SPAG17: variants seen among roughly 807,000 people sequenced by gnomAD.
The protein encoded by SPAG17 is sperm associated antigen 17.
SPAG17 carries 169 observed loss-of-function variants against 273.6 expected under a neutral mutation model. The ratio of observed to expected loss-of-function variants is 0.62; its 90% CI spans 0.55 to 0.70. The LOEUF (loss-of-function observed/expected upper bound fraction) is 0.70, where lower values mean the gene tolerates loss of function less well. Among genes scored for constraint, SPAG17 ranks in the 30% least tolerant of loss-of-function variants. The pLI is 0.00. For synonymous variants in SPAG17, 825 were observed against 873.2 expected (o/e 0.94, Z 0.97); for missense variants, 2,557 against 2,627.8 (o/e 0.97, Z 0.59).
chr1:118,083,385 C>T (rs572903214), intron 13 of SPAG17, among the ~76,000 whole-genome samples: 239 of 152,276 alleles, frequency 1.6e-3, no homozygotes, highest in Non-Finnish European at 2.4e-3. Flanking sequence ...AATTGAAAGC[C>T]TGTAGACCAG....
intron 37 of SPAG17, 101 bp from the exon 38 acceptor site, chr1:117,991,007 A>G: frequency 1.6e-6 from 1 of 613,592 alleles, no homozygotes; most frequent in Non-Finnish European, 2.7e-6. Context: ...AAACTACTAT[A>G]AAATGAATTA....
chr1:118,129,753 TTC>T (rs904004839), intron 3 of SPAG17, among the ~76,000 whole-genome samples: 3 of 151,918 alleles, frequency 2.0e-5, no homozygotes, highest in South Asian at 2.1e-4. Context: ...CTTTGTTTTT[TTC>T]TTTTTCTTTC....
intron 43 of SPAG17, among the ~76,000 whole-genome samples, chr1:117,979,714 T>C (rs1342492550): frequency 6.6e-6 from 1 of 152,208 alleles, no homozygotes; most frequent in Non-Finnish European, 1.5e-5. Context: ...CTTTTACTTT[T>C]TCCTTTGCTC....
intron 3 of SPAG17, among the ~76,000 whole-genome samples, chr1:118,137,238 A>C (rs1009451999): frequency 6.6e-5 from 10 of 152,228 alleles, no homozygotes; most frequent in Non-Finnish European, 7.3e-5. Flanking sequence ...ATGAAACAAT[A>C]ATAATTCAAA....
intron 24 of SPAG17, 34 bp downstream of exon 24, chr1:118,036,736 G>T: frequency 7.0e-7 from 1 of 1,437,172 alleles, no homozygotes; most frequent in South Asian, 1.2e-5. Flanking sequence ...TTGGCTGTGG[G>T]GCACACTTAT....
chr1:117,982,241 AT>A (rs763137879), intron 42 of SPAG17, among the ~76,000 whole-genome samples: 9,738 of 132,628 alleles, frequency 0.073, 294 homozygotes, highest in South Asian at 0.12. Context: ...CTATCTGCTT[AT>A]TTTTTTTTTT....
At chr1:118,062,089 C>T (rs577294346) in intron 18 of SPAG17, among the ~76,000 whole-genome samples, 15 of 151,618 alleles carry the variant, frequency 9.9e-5, no homozygotes, top group African/African-American at 2.7e-4. Context: ...AAGAAAAGGC[C>T]GGGTGCGGTG....
chr1:118,011,192 A>G (rs147427688), intron 30 of SPAG17, among the ~76,000 whole-genome samples: 3 of 152,356 alleles, frequency 2.0e-5, no homozygotes, highest in East Asian at 1.9e-4. Flanking sequence ...ATACAGAAGT[A>G]CTATTCGACC....
chr1:118,182,504 A>T (rs538845236), intron 1 of SPAG17, among the ~76,000 whole-genome samples: 23 of 152,352 alleles, frequency 1.5e-4, no homozygotes, highest in African/African-American at 5.5e-4. Flanking sequence ...GGGTATTTTT[A>T]TCTTATTGCC....
intron 43 of SPAG17, among the ~76,000 whole-genome samples, chr1:117,979,596 A>C (rs1655536088): frequency 6.6e-6 from 1 of 152,184 alleles, no homozygotes; most frequent in African/African-American, 2.4e-5. Context: ...TAAAATAAAA[A>C]TTAGCCATGT....
intron 3 of SPAG17, among the ~76,000 whole-genome samples, chr1:118,144,001 C>A (rs1045548423): frequency 2.6e-5 from 4 of 152,230 alleles, no homozygotes; most frequent in African/African-American, 9.6e-5. Context: ...CACCACCACA[C>A]CTCCCCAGTG....
chr1:118,109,372 C>T (rs1656614928), intron 4 of SPAG17, among the ~76,000 whole-genome samples: 1 of 140,898 alleles, frequency 7.1e-6, no homozygotes, highest in Non-Finnish European at 1.6e-5. Flanking sequence ...ATGGCGATAT[C>T]CCATCTTTAC....
intron 29 of SPAG17, among the ~76,000 whole-genome samples, chr1:118,013,990 G>C (rs1292951399): frequency 6.6e-6 from 1 of 152,264 alleles, no homozygotes; most frequent in Middle Eastern, 3.4e-3. Flanking sequence ...CTCACCCCAA[G>C]GGCAGTGCTC....
chr1:117,959,102 AC>A (rs1279699137), intron 48 of SPAG17: 1 of 1,314,672 alleles, frequency 7.6e-7, no homozygotes, highest in African/African-American at 1.5e-5. Context: ...AATACCCACC[AC>A]CGATAAATCC....
intron 43 of SPAG17, among the ~76,000 whole-genome samples, chr1:117,979,258 C>T (rs927457234): frequency 6.6e-6 from 1 of 152,166 alleles, no homozygotes; most frequent in Non-Finnish European, 1.5e-5. Context: ...ATTCTCAAGG[C>T]ATAAACCTAT....
At chr1:118,012,201 G>T in intron 30 of SPAG17, 27 bp downstream of exon 30, 1 of 1,597,846 alleles carries the variant, frequency 6.3e-7, no homozygotes, top group Non-Finnish European at 8.6e-7. Flanking sequence ...ATAAAATATT[G>T]TCATGTACTC....
At chr1:118,182,627 G>A (rs1279705145) in intron 1 of SPAG17, among the ~76,000 whole-genome samples, 2 of 152,050 alleles carry the variant, frequency 1.3e-5, no homozygotes, top group East Asian at 1.9e-4. Context: ...TTTCCTTGAC[G>A]GAATTAATTT....
intron 15 of SPAG17, among the ~76,000 whole-genome samples, chr1:118,075,557 A>AT (rs1332037727): frequency 1.3e-5 from 2 of 152,218 alleles, no homozygotes; most frequent in Non-Finnish European, 2.9e-5. Context: ...CATTTTGCAA[A>AT]TTTGATCACA....
chr1:118,055,884 A>G lies in SPAG17; in HGVS notation c.2571T>C (p.Ile857=), dbSNP rs777308576. Residue 857 remains isoleucine (I), a synonymous_variant, in exon 19 of 49, where the codon ATT becomes ATC. Transcript: ENST00000336338. ...RNYLELVAKS[I]QDWITKEEAI... ...CTTCTTCTTTTGTAATCCAATCTTG[A>G]ATAGATTTTGCAACAAGTTCCAAAT... 6.2e-7 allele frequency: 1 copy of G among 1,607,188 alleles called. No homozygotes were observed. Among genetic ancestry groups the G allele is most frequent in the East Asian group, 2.2e-5 (1 of 44,746 alleles).
Sources: gnomAD v4.1 joint callset for allele counts (sites outside exome capture counted in the v4.1 genomes callset) on GRCh38, gnomAD v4.1.1 for gene constraint, MANE v1.5 for transcripts, NCBI Gene and HGNC (gene_info 2026-07-23, HGNC 2026-07-21) for gene names.